The following DLG2 variants were observed in gnomAD, a reference collection of about 807,000 sequenced individuals.
DLG2 encodes discs large MAGUK scaffold protein 2.
A neutral mutation model predicts 132.5 loss-of-function variants in DLG2; 45 were observed. That is an observed-to-expected ratio of 0.34 (90% confidence interval 0.27 to 0.44). The LOEUF is 0.44. Among genes scored for constraint, DLG2 ranks in the 20% least tolerant of loss-of-function variants. The pLI is 1.00. For synonymous variants in DLG2, 424 were observed against 419.6 expected (o/e 1.01, Z -0.13); for missense variants, 1,045 against 1,196.9 (o/e 0.87, Z 1.87).
chr11:84,000,758 A>G (rs1393285304), intron 11 of DLG2, among the ~76,000 whole-genome samples: 1 of 152,168 alleles, frequency 6.6e-6, no homozygotes, highest in East Asian at 1.9e-4. Flanking sequence ...ATGTACAGAA[A>G]AATTATCCTT....
intron 4 of DLG2, among the ~76,000 whole-genome samples, chr11:85,190,524 G>C (rs1566985701): frequency 6.6e-6 from 1 of 151,888 alleles, no homozygotes; most frequent in Non-Finnish European, 1.5e-5. Flanking sequence ...AAGCTACACT[G>C]AATGAAATTG....
At chr11:84,173,337 G>A (rs1488644520) in intron 8 of DLG2, among the ~76,000 whole-genome samples, 1 of 152,160 alleles carries the variant, frequency 6.6e-6, no homozygotes, top group Non-Finnish European at 1.5e-5. Flanking sequence ...GTTTGTACAT[G>A]CTCTTTGAGA....
chr11:85,591,923 G>T (rs865943264), intron 3 of DLG2, among the ~76,000 whole-genome samples: 3 of 152,172 alleles, frequency 2.0e-5, no homozygotes, highest in African/African-American at 7.2e-5. Context: ...ACGAATTAAT[G>T]TGTAAATGGA....
At chr11:83,590,684 A>G (rs187465209) in intron 19 of DLG2, among the ~76,000 whole-genome samples, 2 of 152,356 alleles carry the variant, frequency 1.3e-5, no homozygotes, top group African/African-American at 4.8e-5. Flanking sequence ...ACCCTTCAAA[A>G]AATTAATGAA....
chr11:84,366,480 A>C (rs950973113), intron 7 of DLG2, among the ~76,000 whole-genome samples: 9 of 152,144 alleles, frequency 5.9e-5, no homozygotes, highest in African/African-American at 1.4e-4. Flanking sequence ...CTTAAAATGT[A>C]AATGGACTAA....
At chr11:84,908,231 A>G (rs1447008996) in intron 6 of DLG2, among the ~76,000 whole-genome samples, 1 of 152,232 alleles carries the variant, frequency 6.6e-6, no homozygotes, top group Non-Finnish European at 1.5e-5. Context: ...GATCAATTTT[A>G]ATACTACATT....
chr11:84,246,339 C>T (rs1206144022), intron 8 of DLG2, among the ~76,000 whole-genome samples: 1 of 152,202 alleles, frequency 6.6e-6, no homozygotes, highest in Admixed American at 6.5e-5. Flanking sequence ...ATCTGTGCTG[C>T]AGATGTTACC....
At chr11:85,219,418 G>A (rs2082857665) in intron 4 of DLG2, among the ~76,000 whole-genome samples, 1 of 152,032 alleles carries the variant, frequency 6.6e-6, no homozygotes, top group South Asian at 2.1e-4. Flanking sequence ...ACTCCTTGAA[G>A]ACAGAGAGAA....
rs979440461 is a variant in DLG2 at position 85,590,633 on chromosome 11, TTC to T, written c.40+8022_40+8023del. On this transcript the variant is annotated intron_variant, in intron 3 of 27. Coordinates refer to ENST00000376104, the MANE Select transcript of DLG2 (RefSeq NM_001142699.3). The stretch of plus-strand genomic sequence containing the variant: ...ATAATCTTTTAGAATTTTTTTTATA[TTC>T]TCTCTCTCTCTCTCTCTATATATAT... 1.1e-3 allele frequency among the ~76,000 whole-genome samples: 159 copies of T among 150,738 alleles called. 1 individual carries two copies. Among genetic ancestry groups the T allele is most frequent in the Middle Eastern group, 3.4e-3 (1 of 290 alleles).
At chr11:84,557,322 T>C (rs573356340) in intron 6 of DLG2, among the ~76,000 whole-genome samples, 4 of 152,284 alleles carry the variant, frequency 2.6e-5, no homozygotes, top group African/African-American at 9.6e-5. Flanking sequence ...ATTTCTTGCT[T>C]AGTGCCTATT....
At chr11:83,517,747 C>T (rs1226724569) in intron 21 of DLG2, among the ~76,000 whole-genome samples, 1 of 152,190 alleles carries the variant, frequency 6.6e-6, no homozygotes, top group Non-Finnish European at 1.5e-5. Flanking sequence ...ACAGTCAGTA[C>T]CCTCAGCTGC....
intron 9 of DLG2, among the ~76,000 whole-genome samples, chr11:84,123,676 C>T (rs548405571): frequency 6.6e-6 from 1 of 152,316 alleles, no homozygotes; most frequent in South Asian, 2.1e-4. Flanking sequence ...AAAGTTAAGC[C>T]TCAAAGATAT....
chr11:84,584,674 C>CTTTT (rs71036428), intron 6 of DLG2, among the ~76,000 whole-genome samples: 18 of 55,854 alleles, frequency 3.2e-4, no homozygotes, highest in Non-Finnish European at 3.4e-4. Context: ...CCCAGCATTC[C>CTTTT]TTTTTTTTTT....
At chr11:83,480,257 G>T (rs967824769) in intron 22 of DLG2, 1 of 842,770 alleles carries the variant, frequency 1.2e-6, no homozygotes, top group South Asian at 1.5e-5. Context: ...CATTTGCTTT[G>T]AATACAGATG....
chr11:83,967,410 T>C (rs949465684), intron 12 of DLG2, among the ~76,000 whole-genome samples: 2 of 152,168 alleles, frequency 1.3e-5, no homozygotes, highest in Non-Finnish European at 2.9e-5. Flanking sequence ...ATTCTCATCT[T>C]TTTGATAATA....
At chr11:84,485,684 C>A (rs1262578126) in intron 7 of DLG2, among the ~76,000 whole-genome samples, 2 of 152,132 alleles carry the variant, frequency 1.3e-5, no homozygotes, top group Non-Finnish European at 2.9e-5. Flanking sequence ...GAAGTAAATA[C>A]ATCAACAGCA....
At chr11:85,611,386 T>G in intron 2 of DLG2, among the ~76,000 whole-genome samples, 1 of 152,190 alleles carries the variant, frequency 6.6e-6, no homozygotes. Context: ...TTCAAATACC[T>G]ATGTGTGCAG....
In DLG2 at chr11:85,278,711, G is replaced by C. The variant is rs189161150; in HGVS notation, c.186+6509C>G. 1.1e-4 allele frequency among the ~76,000 whole-genome samples: 17 copies of C among 152,182 alleles called. No individual in the cohort carries two copies. The East Asian group carries it at 2.9e-3, about 26-fold the overall frequency. ...CTCCACCTGCAAGACCTTCAACCCAGATCTTATACATTACACAAAGCCCAT... is the reference window on the plus strand; with the variant it reads ...CTCCACCTGCAAGACCTTCAACCCACATCTTATACATTACACAAAGCCCAT... On this transcript the variant is annotated intron_variant, in intron 4 of 27. Coordinates refer to ENST00000376104, the MANE Select transcript of DLG2 (RefSeq NM_001142699.3).
At chr11:85,315,805 G>A (rs534884930) in intron 3 of DLG2, among the ~76,000 whole-genome samples, 1 of 152,060 alleles carries the variant, frequency 6.6e-6, no homozygotes, top group South Asian at 2.1e-4. Context: ...TTCCTCCCAG[G>A]AGGCTGTGTA....
Sources: allele counts gnomAD v4.1 joint callset (sites outside exome capture counted in the v4.1 genomes callset), GRCh38; gene constraint gnomAD v4.1.1; transcripts MANE v1.5; gene names NCBI Gene and HGNC (gene_info 2026-07-23, HGNC 2026-07-21).